The following DTNBP1 variants were observed in gnomAD, a reference collection of about 807,000 sequenced individuals.
DTNBP1 encodes the protein dystrobrevin binding protein 1.
A neutral mutation model predicts 42.8 loss-of-function variants in DTNBP1; 35 were observed. The observed-to-expected ratio is 0.82, with a 90% confidence interval of 0.63 to 1.09. The LOEUF is 1.09. Among genes scored for constraint, DTNBP1 ranks in the 50% least tolerant of loss-of-function variants. DTNBP1 has a pLI of 0.00. For synonymous variants in DTNBP1, 171 were observed against 162.2 expected (o/e 1.05, Z -0.41); for missense variants, 457 against 424.2 (o/e 1.08, Z -0.68).
intron 7 of DTNBP1, among the ~76,000 whole-genome samples, chr6:15,571,179 T>C (rs966611772): frequency 1.3e-5 from 2 of 152,204 alleles, no homozygotes; most frequent in Non-Finnish European, 2.9e-5. Flanking sequence ...TGGCCATTTG[T>C]TGATTGCTGA....
intron 6 of DTNBP1, among the ~76,000 whole-genome samples, chr6:15,603,264 G>A (rs1776799272): frequency 6.6e-6 from 1 of 152,138 alleles, no homozygotes; most frequent in African/African-American, 2.4e-5. Context: ...TAGTAAATGT[G>A]ATTACATTAT....
intron 7 of DTNBP1, 33 bp downstream of exon 7, chr6:15,593,026 C>T (rs1406358434): frequency 1.3e-6 from 2 of 1,572,428 alleles, no homozygotes; most frequent in Admixed American, 1.8e-5. Context: ...GAACTCTCAA[C>T]TACTTTAAAG....
At chr6:15,615,166 C>A in intron 6 of DTNBP1, 101 bp downstream of exon 6, 1 of 1,561,096 alleles carries the variant, frequency 6.4e-7, no homozygotes, top group Non-Finnish European at 8.8e-7. Flanking sequence ...ATGTTGAAAC[C>A]TTTGTCTTTT....
intron 7 of DTNBP1, among the ~76,000 whole-genome samples, chr6:15,543,300 T>C (rs1445911765): frequency 6.6e-6 from 1 of 152,208 alleles, no homozygotes; most frequent in Non-Finnish European, 1.5e-5. Flanking sequence ...TGTCCCTCAG[T>C]GCTAACATCT....
intron 7 of DTNBP1, among the ~76,000 whole-genome samples, chr6:15,577,852 G>C (rs1775647155): frequency 6.6e-6 from 1 of 152,184 alleles, no homozygotes; most frequent in Non-Finnish European, 1.5e-5. Flanking sequence ...CCGGTGGGAA[G>C]GTAAAGAGCT....
chr6:15,640,386 G>A (rs1760275518), intron 3 of DTNBP1, among the ~76,000 whole-genome samples: 1 of 152,092 alleles, frequency 6.6e-6, no homozygotes. Flanking sequence ...AAACTCAAAC[G>A]TCTTTAAAAA....
At chr6:15,523,246 G>C in intron 9 of DTNBP1, 27 bp from the exon 10 acceptor site, 2 of 1,613,396 alleles carry the variant, frequency 1.2e-6, no homozygotes, top group Non-Finnish European at 1.7e-6. Context: ...GGAAGAAAAA[G>C]CCCTGTCATA....
intron 3 of DTNBP1, among the ~76,000 whole-genome samples, chr6:15,645,625 G>A (rs139834552): frequency 7.9e-5 from 12 of 152,118 alleles, no homozygotes; most frequent in South Asian, 4.2e-4. Flanking sequence ...ATGCAAGGAC[G>A]GTTCAACAAA....
Position 15,523,303 on chromosome 6 carries a change from C to T in DTNBP1, c.812-84G>A, listed in dbSNP as rs181025481. 1.0e-4 allele frequency: 159 copies of T among 1,569,244 alleles called. 1 individual carries two copies. The African/African-American group carries it at 1.3e-3, about 13-fold the overall frequency. Reference sequence around the variant, plus strand: ...GCCGCCAACAGCTGTGGAATGTGCCCGTCATGAAAGGGGGGTGTGGTTTTT... The same window carrying T: ...GCCGCCAACAGCTGTGGAATGTGCCTGTCATGAAAGGGGGGTGTGGTTTTT... On this transcript the variant is annotated intron_variant, in intron 9 of 9. Transcript: ENST00000344537.
chr6:15,537,918 C>T (rs1773336339), intron 7 of DTNBP1, among the ~76,000 whole-genome samples: 1 of 152,126 alleles, frequency 6.6e-6, no homozygotes, highest in Admixed American at 6.5e-5. Flanking sequence ...ACAGAGAATA[C>T]AAAAAATGAA....
chr6:15,620,224 G>A (rs940333458), intron 5 of DTNBP1, among the ~76,000 whole-genome samples: 1 of 152,094 alleles, frequency 6.6e-6, no homozygotes, highest in African/African-American at 2.4e-5. Context: ...TGTGATTATG[G>A]AACGCTTAAA....
chr6:15,594,758 T>C (rs1431486854), intron 6 of DTNBP1, among the ~76,000 whole-genome samples: 1 of 150,958 alleles, frequency 6.6e-6, no homozygotes. Flanking sequence ...TTCTAATGAG[T>C]AATTCTTTTT....
Position 15,523,153 on chromosome 6 carries a change from G to A in DTNBP1, c.878C>T (p.Ala293Val), listed in dbSNP as rs1772029074. 2 of 1,614,130 alleles carry A rather than the reference G, an allele frequency of 1.2e-6. No homozygotes were observed. The highest frequency in any genetic ancestry group is 1.7e-5 in the Admixed American group (1 of 60,006). The part of the protein sequence containing the change: ...LQVPNPSELR[A>V]KPPSSSSTCT... Reference sequence around the variant, plus strand: ...GGTGGAGGAAGAAGAAGGTGGCTTGGCTCTTAATTCTGAGGGATTTGGAAC... The same window carrying A: ...GGTGGAGGAAGAAGAAGGTGGCTTGACTCTTAATTCTGAGGGATTTGGAAC... Residue 293 changes from alanine (A) to valine (V), a missense_variant, in exon 10 of 10, where the codon GCC (alanine) becomes GTC (valine). Coordinates refer to ENST00000344537, the MANE Select transcript of DTNBP1 (RefSeq NM_032122.5).
chr6:15,601,794 G>C (rs1776739277), intron 6 of DTNBP1, among the ~76,000 whole-genome samples: 1 of 149,998 alleles, frequency 6.7e-6, no homozygotes, highest in South Asian at 2.1e-4. Flanking sequence ...GTGGTGAGCT[G>C]AGATCACGCC....
intron 6 of DTNBP1, among the ~76,000 whole-genome samples, chr6:15,611,531 G>C (rs896473896): frequency 1.3e-5 from 2 of 152,198 alleles, no homozygotes; most frequent in African/African-American, 4.8e-5. Context: ...TAAGGCTATA[G>C]CTGCCATAGA....
At position 15,652,270 on chromosome 6, in the gene DTNBP1, C is replaced by A. The variant is rs936127104; in HGVS notation, c.57-130G>T. ...GTACATTACTCACTGCAGCCTCAAT[C>A]CTGGGCCCAAGTGATCCTCCCACCT... On this transcript the variant is annotated intron_variant, in intron 1 of 9. Transcript: ENST00000344537. 1.4e-5 allele frequency: 9 copies of A among 652,930 alleles called. 1 individual carries two copies. The Admixed American group carries it at 2.0e-4, about 14-fold the overall frequency. 40.4% of individuals were successfully genotyped at this position (652,930 alleles called of 1,614,324 possible).
In DTNBP1 at chr6:15,663,011, C is replaced by A; in HGVS notation, c.-142G>T. 8.3e-7 allele frequency: 1 copy of A among 1,209,270 alleles called. No individual in the cohort carries two copies. The highest frequency in any genetic ancestry group is 1.2e-6 in the Non-Finnish European group (1 of 867,482). 74.9% of individuals were successfully genotyped at this position (1,209,270 alleles called of 1,614,324 possible). ...GGCCCCGCCCCCGGTCTGGTCCTCG[C>A]CGCCGCGCCGCAACCCCAGCCCCTT... On this transcript the variant is annotated 5_prime_UTR_variant, in exon 1 of 10. Coordinates refer to ENST00000344537, the MANE Select transcript of DTNBP1 (RefSeq NM_032122.5).
intron 7 of DTNBP1, among the ~76,000 whole-genome samples, chr6:15,561,617 A>G (rs1389361225): frequency 2.0e-5 from 3 of 152,204 alleles, no homozygotes; most frequent in African/African-American, 7.2e-5. Flanking sequence ...CAACCCTTAG[A>G]ATTAAAATTT....
At chr6:15,613,568 G>A (rs1264984458) in intron 6 of DTNBP1, among the ~76,000 whole-genome samples, 4 of 151,766 alleles carry the variant, frequency 2.6e-5, no homozygotes, top group African/African-American at 7.3e-5. Flanking sequence ...GGGTTTCACC[G>A]TGTTAGCCAG....
Sources: gnomAD v4.1 joint callset for allele counts (sites outside exome capture counted in the v4.1 genomes callset) on GRCh38, gnomAD v4.1.1 for gene constraint, MANE v1.5 for transcripts, NCBI Gene and HGNC (gene_info 2026-07-23, HGNC 2026-07-21) for gene names.